Variants in EBF1 observed in about 807,000 individuals in gnomAD.
EBF1 encodes the protein EBF transcription factor 1.
A neutral mutation model predicts 68.4 loss-of-function variants in EBF1; 10 were observed. The ratio of observed to expected loss-of-function variants is 0.15; its 90% CI spans 0.09 to 0.25. The LOEUF (loss-of-function observed/expected upper bound fraction) is 0.25, where lower values mean the gene tolerates loss of function less well. Ranked by LOEUF, EBF1 falls within the 10% of genes least tolerant of loss-of-function variation. The pLI, the probability that EBF1 is intolerant of heterozygous loss-of-function variation, is 1.00. For synonymous variants in EBF1, 298 were observed against 299.8 expected (o/e 0.99, Z 0.06); for missense variants, 509 against 794.4 (o/e 0.64, Z 4.32).
intron 7 of EBF1, 114 bp downstream of exon 7, chr5:158,839,915 C>T: frequency 1.0e-6 from 1 of 960,254 alleles, no homozygotes; most frequent in South Asian, 1.4e-5. Flanking sequence ...CCAAGGGCCT[C>T]AGCTGCTCTT....
intron 9 of EBF1, among the ~76,000 whole-genome samples, chr5:158,785,361 A>T (rs1335511700): frequency 6.6e-6 from 1 of 152,178 alleles, no homozygotes; most frequent in Non-Finnish European, 1.5e-5. Context: ...AAAAGTATAT[A>T]TTCTTGGCGA....
At chr5:158,843,708 A>G (rs1445711329) in intron 6 of EBF1, among the ~76,000 whole-genome samples, 1 of 152,170 alleles carries the variant, frequency 6.6e-6, no homozygotes, top group African/African-American at 2.4e-5. Context: ...AGCCTCAGAA[A>G]TTCTTTCAAA....
intron 6 of EBF1, among the ~76,000 whole-genome samples, chr5:158,960,216 T>C (rs534629959): frequency 3.3e-5 from 5 of 152,304 alleles, no homozygotes; most frequent in African/African-American, 1.2e-4. Flanking sequence ...ATCTACCCTA[T>C]ATTTACTGAT....
chr5:159,063,430 A>T (rs1279930250), intron 6 of EBF1, among the ~76,000 whole-genome samples: 1 of 152,210 alleles, frequency 6.6e-6, no homozygotes, highest in Admixed American at 6.5e-5. Flanking sequence ...TCATGATCCC[A>T]GTGTAAAATG....
chr5:159,095,426 G>T (rs2128005748), intron 4 of EBF1, among the ~76,000 whole-genome samples, 194 bp downstream of exon 4: 1 of 152,242 alleles, frequency 6.6e-6, no homozygotes, highest in South Asian at 2.1e-4. Flanking sequence ...ACGCGCGCGC[G>T]TCGAGCCCTC....
chr5:158,806,134 A>T (rs1231063123), intron 8 of EBF1, among the ~76,000 whole-genome samples: 2 of 152,064 alleles, frequency 1.3e-5, no homozygotes, highest in Non-Finnish European at 2.9e-5. Context: ...GGTTTCAGGA[A>T]AAAGGCCAGT....
chr5:159,059,375 A>C (rs78628977), intron 6 of EBF1, among the ~76,000 whole-genome samples: 1 of 152,088 alleles, frequency 6.6e-6, no homozygotes, highest in Non-Finnish European at 1.5e-5. Flanking sequence ...AAAAAAAAAA[A>C]CTAACATTTC....
At chr5:159,068,656 T>A (rs746436409) in intron 6 of EBF1, among the ~76,000 whole-genome samples, 1 of 152,306 alleles carries the variant, frequency 6.6e-6, no homozygotes, top group Non-Finnish European at 1.5e-5. Flanking sequence ...TCCGTTCATA[T>A]GATGTACATC....
intron 10 of EBF1, among the ~76,000 whole-genome samples, chr5:158,775,881 TA>T (rs1775131433): frequency 6.6e-6 from 1 of 151,294 alleles, no homozygotes. Context: ...ATCCTAGCTT[TA>T]AAAGAAACAG....
intron 6 of EBF1, among the ~76,000 whole-genome samples, chr5:159,033,363 G>A (rs1323093618): frequency 1.3e-5 from 2 of 152,186 alleles, no homozygotes; most frequent in Non-Finnish European, 2.9e-5. Flanking sequence ...GAACTCAAAT[G>A]AATGTTTTTT....
chr5:158,706,983 G>A (rs1379608828), intron 15 of EBF1, among the ~76,000 whole-genome samples: 1 of 152,168 alleles, frequency 6.6e-6, no homozygotes, highest in African/African-American at 2.4e-5. Context: ...CCTACCAGCT[G>A]CCTTAGGAAC....
intron 11 of EBF1, among the ~76,000 whole-genome samples, chr5:158,723,340 T>G (rs1282892153): frequency 1.3e-5 from 2 of 152,176 alleles, no homozygotes; most frequent in Non-Finnish European, 1.5e-5. Context: ...AGGCTCTGGA[T>G]CTGGAGTCCA....
chr5:158,752,634 T>C (rs545865465), intron 10 of EBF1, among the ~76,000 whole-genome samples: 1 of 152,242 alleles, frequency 6.6e-6, no homozygotes, highest in East Asian at 1.9e-4. Context: ...ACAACTGTTT[T>C]TAGATACTGT....
At chr5:158,891,937 T>A (rs558270593) in intron 6 of EBF1, among the ~76,000 whole-genome samples, 1 of 152,214 alleles carries the variant, frequency 6.6e-6, no homozygotes, top group East Asian at 1.9e-4. Flanking sequence ...TGCCAATGAG[T>A]TACCATTCAC....
intron 6 of EBF1, among the ~76,000 whole-genome samples, chr5:159,040,909 A>C (rs2127774752): frequency 6.6e-6 from 1 of 152,266 alleles, no homozygotes. Context: ...AGAATAGACC[A>C]CTCTCTACAT....
intron 14 of EBF1, among the ~76,000 whole-genome samples, chr5:158,711,013 T>C (rs756150384): frequency 6.6e-6 from 1 of 152,222 alleles, no homozygotes; most frequent in Non-Finnish European, 1.5e-5. Flanking sequence ...TGAGGTTCTT[T>C]AGAAGCAATA....
intron 6 of EBF1, among the ~76,000 whole-genome samples, chr5:159,041,792 G>T (rs969163600): frequency 1.3e-5 from 2 of 152,070 alleles, no homozygotes; most frequent in Non-Finnish European, 2.9e-5. Context: ...TTTTAAAGAC[G>T]CCTCCTAGAA....
chr5:159,082,308 A>C, intron 5 of EBF1, among the ~76,000 whole-genome samples: 1 of 152,320 alleles, frequency 6.6e-6, no homozygotes, highest in South Asian at 2.1e-4. Context: ...GCACTGCAGA[A>C]AGTTGTTTAG....
chr5:159,017,786 T>G (rs1435147039), intron 6 of EBF1, among the ~76,000 whole-genome samples: 1 of 152,188 alleles, frequency 6.6e-6, no homozygotes, highest in East Asian at 1.9e-4. Flanking sequence ...AGCTATGCTA[T>G]TTACTTTGTT....
Sources: gnomAD v4.1 joint callset for allele counts (sites outside exome capture counted in the v4.1 genomes callset) on GRCh38, gnomAD v4.1.1 for gene constraint, MANE v1.5 for transcripts, NCBI Gene and HGNC (gene_info 2026-07-23, HGNC 2026-07-21) for gene names.